The following HRH2 variants were observed in gnomAD, a reference collection of about 807,000 sequenced individuals.
The protein encoded by HRH2 is histamine receptor H2.
In HRH2, 4 loss-of-function variants were observed where a neutral mutation model predicts 20.1. The observed-to-expected ratio is 0.20, with a 90% CI of 0.10 to 0.45. The LOEUF (loss-of-function observed/expected upper bound fraction) is 0.45, where lower values mean the gene tolerates loss of function less well. HRH2 is among the 20% of genes least tolerant of loss of function. The pLI is 0.99. For synonymous variants in HRH2, 197 were observed against 200.7 expected, an observed-to-expected ratio of 0.98 and a Z score of 0.16; for missense variants, 250 against 461.6, an observed-to-expected ratio of 0.54 and a Z score of 4.20.
chr5:175,675,852 A>G (rs1755738492), intron 1 of HRH2, among the ~76,000 whole-genome samples: 1 of 152,166 alleles, frequency 6.6e-6, no homozygotes, highest in East Asian at 1.9e-4. Flanking sequence ...AAGATTGAAA[A>G]GGTCCCAAGA....
intron 1 of HRH2, among the ~76,000 whole-genome samples, chr5:175,674,542 C>T (rs762659168): frequency 7.9e-5 from 12 of 152,010 alleles, no homozygotes; most frequent in Admixed American, 2.0e-4. Flanking sequence ...ACACACGTCT[C>T]GGGGGTAGTG....
intron 2 of HRH2, among the ~76,000 whole-genome samples, chr5:175,694,452 G>A (rs749390657): frequency 6.6e-6 from 1 of 152,100 alleles, no homozygotes; most frequent in Non-Finnish European, 1.5e-5. Context: ...TAGTCGGCCG[G>A]CTCCTGGGCT....
At chr5:175,664,682 C>T (rs891623350) in intron 1 of HRH2, among the ~76,000 whole-genome samples, 5 of 152,162 alleles carry the variant, frequency 3.3e-5, no homozygotes, top group East Asian at 1.9e-4. Context: ...TCACCCAAAC[C>T]GGAGTGCAGT....
At position 175,681,699 on chromosome 5, in the gene HRH2, G is replaced by A. The variant is rs1483183387; in HGVS notation, c.-525-1010G>A. Among the ~76,000 whole-genome samples, 1 of 152,194 alleles carries A rather than the reference G, an allele frequency of 6.6e-6. No homozygotes were observed. Among genetic ancestry groups the A allele is most frequent in the South Asian group, 2.1e-4 (1 of 4,830 alleles). On this transcript the variant is annotated intron_variant, in intron 1 of 2. Transcript: ENST00000636584. The surrounding 1 kb of genome is among the most constrained non-coding windows in gnomAD (Gnocchi z 4.3). ...CAATAGTGCAAAGGGAGGAAGGGAG[G>A]AAGGAGAAACCACCCTAATGCCCGT...
At chr5:175,697,230 G>A (rs1233750532) in intron 2 of HRH2, among the ~76,000 whole-genome samples, 2 of 152,198 alleles carry the variant, frequency 1.3e-5, no homozygotes, top group South Asian at 2.1e-4. Context: ...TTGGCAGGCC[G>A]AGGCGGGCGG....
intron 1 of HRH2, among the ~76,000 whole-genome samples, chr5:175,659,147 G>A (rs1346689336): frequency 6.6e-6 from 1 of 152,156 alleles, no homozygotes; most frequent in East Asian, 1.9e-4. Flanking sequence ...AATGTGGGGG[G>A]CCCAGAAGCT....
intron 1 of HRH2, among the ~76,000 whole-genome samples, chr5:175,675,489 A>G (rs1414147225): frequency 6.6e-6 from 1 of 152,222 alleles, no homozygotes; most frequent in Non-Finnish European, 1.5e-5. Flanking sequence ...TAACAACAGG[A>G]GGGGAATTGG....
intron 1 of HRH2, among the ~76,000 whole-genome samples, chr5:175,666,137 C>T (rs1287381471): frequency 1.3e-5 from 2 of 152,110 alleles, no homozygotes. Context: ...CTGCCTGAGC[C>T]CTGAGGCCCT....
chr5:175,691,526 G>T (rs1472417238), intron 2 of HRH2, among the ~76,000 whole-genome samples: 1 of 152,130 alleles, frequency 6.6e-6, no homozygotes, highest in Non-Finnish European at 1.5e-5. Context: ...CCCAGGGACC[G>T]TGATGGGGCG....
At position 175,686,459 on chromosome 5, in the gene HRH2, G is replaced by A. The variant is rs938403095; in HGVS notation, c.1076+2150G>A. Among the ~76,000 whole-genome samples, 3 of 152,136 alleles carry A rather than the reference G, an allele frequency of 2.0e-5. No homozygotes were observed. The highest frequency in any genetic ancestry group is 4.4e-5 in the Non-Finnish European group (3 of 68,008). On this transcript the variant is annotated intron_variant, in intron 2 of 2. Transcript: ENST00000636584. This position sits in a 1 kb window ranked among gnomAD's most constrained non-coding sequence, Gnocchi z 4.7. Reference sequence around the variant, plus strand: ...TTCTAGGCATTAGTTGCTCTTCAGGGGCATCCTACTCCCACCCCTGCACCA... The same window carrying A: ...TTCTAGGCATTAGTTGCTCTTCAGGAGCATCCTACTCCCACCCCTGCACCA...
chr5:175,690,728 C>A lies in HRH2; in HGVS notation c.1076+6419C>A, dbSNP rs553466390. The stretch of plus-strand genomic sequence containing the variant: ...GCATTTCATCGCCCCCCAAAAGAAA[C>A]CCTGCACCTCTGAGCTGACCCCCAC... On this transcript the variant is annotated intron_variant, in intron 2 of 2. Coordinates refer to ENST00000636584, the MANE Select transcript of HRH2 (RefSeq NM_001367711.1). Among the ~76,000 whole-genome samples the A allele has an allele frequency of 2.6e-5, 4 of 152,182 alleles. No individual in the cohort carries two copies. The East Asian group carries it at 7.7e-4, about 29-fold the overall frequency.
At chr5:175,673,620 T>C (rs1002065212) in intron 1 of HRH2, among the ~76,000 whole-genome samples, 2 of 151,706 alleles carry the variant, frequency 1.3e-5, no homozygotes, top group African/African-American at 2.4e-5. Flanking sequence ...TTGCACAACA[T>C]GGTGAAGGTA....
At position 175,670,760 on chromosome 5, in the gene HRH2, T is replaced by A. The variant is rs1381496335; in HGVS notation, c.-525-11949T>A. Among the ~76,000 whole-genome samples the A allele has an allele frequency of 2.0e-5, 3 of 152,306 alleles. No individual in the cohort carries two copies. In the East Asian group the frequency reaches 5.8e-4, roughly 29 times the overall value. On this transcript the variant is annotated intron_variant, in intron 1 of 2. Coordinates refer to ENST00000636584, the MANE Select transcript of HRH2 (RefSeq NM_001367711.1). ...GGAGAGTCTACATGATTAATCCTAA[T>A]CCCTACCCTCATTGCTGGCCAAAGA...
intron 2 of HRH2, among the ~76,000 whole-genome samples, chr5:175,702,873 A>G (rs1349112367): frequency 6.6e-6 from 1 of 151,690 alleles, no homozygotes; most frequent in Non-Finnish European, 1.5e-5. Context: ...AACCAAATAT[A>G]CCATCTTTAA....
chr5:175,666,248 G>A (rs1433164783), intron 1 of HRH2, among the ~76,000 whole-genome samples: 1 of 152,196 alleles, frequency 6.6e-6, no homozygotes, highest in Non-Finnish European at 1.5e-5. Context: ...CCCAGACTGT[G>A]TTCCTGGAAG....
chr5:175,672,656 C>T (rs1360198370), intron 1 of HRH2, among the ~76,000 whole-genome samples: 1 of 152,198 alleles, frequency 6.6e-6, no homozygotes, highest in Non-Finnish European at 1.5e-5. Flanking sequence ...AACAGATCCC[C>T]CATTATGTGC....
intron 1 of HRH2, among the ~76,000 whole-genome samples, chr5:175,673,154 C>G (rs1165616722): frequency 2.0e-5 from 3 of 152,154 alleles, no homozygotes; most frequent in Non-Finnish European, 4.4e-5. Flanking sequence ...TGGTCAGGAC[C>G]TGTCTCAAAA....
In HRH2 at chr5:175,681,422, G is replaced by T. The variant is rs948976122; in HGVS notation, c.-525-1287G>T. 5.3e-5 allele frequency among the ~76,000 whole-genome samples: 8 copies of T among 152,186 alleles called. No homozygotes were observed. The highest frequency in any genetic ancestry group is 1.7e-4 in the African/African-American group (7 of 41,440). Reference sequence around the variant, plus strand: ...GAGATTAGCTTGCTTCTGAGAGGGGGTTCCGCCATCAACTCGATTTCTGCA... The same window carrying T: ...GAGATTAGCTTGCTTCTGAGAGGGGTTTCCGCCATCAACTCGATTTCTGCA... On this transcript the variant is annotated intron_variant, in intron 1 of 2. Transcript: ENST00000636584. This position sits in a 1 kb window ranked among gnomAD's most constrained non-coding sequence, Gnocchi z 4.3.
Position 175,673,825 on chromosome 5 carries a change from G to A in HRH2, c.-525-8884G>A, listed in dbSNP as rs549116158. On this transcript the variant is annotated intron_variant, in intron 1 of 2. Coordinates refer to ENST00000636584, the MANE Select transcript of HRH2 (RefSeq NM_001367711.1). ...GTTTAAGCCATTCTCTTGCCTCAGC[G>A]TCCCGAGTAGCTTGGATTACAGATG... 5.3e-5 allele frequency among the ~76,000 whole-genome samples: 8 copies of A among 151,224 alleles called. No homozygotes were observed. The East Asian group carries it at 5.9e-4, about 11-fold the overall frequency.
Sources: gnomAD v4.1 joint callset for allele counts (sites outside exome capture counted in the v4.1 genomes callset) on GRCh38, gnomAD v4.1.1 for gene constraint, Gnocchi (gnomAD v3.1) non-coding constraint, MANE v1.5 for transcripts, NCBI Gene and HGNC (gene_info 2026-07-23, HGNC 2026-07-21) for gene names.